The following HNMT variants were observed in gnomAD, a reference collection of about 807,000 sequenced individuals.
The protein encoded by HNMT is histamine N-methyltransferase.
HNMT carries 30 observed loss-of-function variants against 32.1 expected under a neutral mutation model. That is an observed-to-expected ratio of 0.93 (90% CI 0.70 to 1.27). The LOEUF is 1.27. Among genes scored for constraint, HNMT ranks in the 50% most tolerant of loss-of-function variants. The pLI, the probability that HNMT is intolerant of heterozygous loss-of-function variation, is 0.00. For missense variants in HNMT, 327 were observed against 346.0 expected, an observed-to-expected ratio of 0.95 and a Z score of 0.43; for synonymous variants, 125 against 119.0, an observed-to-expected ratio of 1.05 and a Z score of -0.33.
chr2:137,981,496 G>T (rs898963147), intron 2 of HNMT: 33 of 861,156 alleles, frequency 3.8e-5, no homozygotes, highest in Non-Finnish European at 5.9e-5. Context: ...TGTTGCTTTG[G>T]TTTTCTCCGT....
chr2:137,978,530 A>G (rs1490013243), intron 2 of HNMT, among the ~76,000 whole-genome samples: 1 of 140,980 alleles, frequency 7.1e-6, no homozygotes, highest in African/African-American at 2.6e-5. Flanking sequence ...AGTATTATAC[A>G]ATACATATGA....
intron 5 of HNMT, among the ~76,000 whole-genome samples, chr2:138,005,887 T>C (rs1029837980): frequency 6.6e-6 from 1 of 151,658 alleles, no homozygotes; most frequent in African/African-American, 2.4e-5. Context: ...CATTCAGCAA[T>C]CTTTATGGAT....
At chr2:137,996,835 T>C (rs1681012268) in intron 2 of HNMT, among the ~76,000 whole-genome samples, 1 of 151,994 alleles carries the variant, frequency 6.6e-6, no homozygotes, top group Non-Finnish European at 1.5e-5. Context: ...TATAGACCAA[T>C]GGAACAGAAC....
intron 2 of HNMT, among the ~76,000 whole-genome samples, chr2:137,978,359 GTAT>G (rs1429810030): frequency 7.0e-6 from 1 of 143,040 alleles, no homozygotes; most frequent in Non-Finnish European, 1.5e-5. Context: ...ATATAATATA[GTAT>G]TATACAATAC....
chr2:138,008,364 C>T (rs3115762), intron 5 of HNMT, among the ~76,000 whole-genome samples: 150,178 of 152,152 alleles, frequency 0.99, 74,144 homozygotes, highest in Middle Eastern at 1. Flanking sequence ...GTATATGTAT[C>T]ACATTTTCTT....
intron 2 of HNMT, among the ~76,000 whole-genome samples, chr2:137,998,234 A>G (rs150127380): frequency 6.6e-6 from 1 of 152,336 alleles, no homozygotes; most frequent in Admixed American, 6.5e-5. Context: ...TTAGTTGGAA[A>G]GAGTAGGTAA....
intron 1 of HNMT, among the ~76,000 whole-genome samples, chr2:137,965,745 T>C (rs1466053477): frequency 1.3e-5 from 2 of 152,176 alleles, no homozygotes; most frequent in East Asian, 1.9e-4. Flanking sequence ...AAGTTAAAGG[T>C]AATGAGTTAA....
chr2:138,016,299 T>C lies in HNMT; in HGVS notation c.*2169T>C, dbSNP rs993205032. The stretch of plus-strand genomic sequence containing the variant: ...TATCTTATACCTTGTGTGTTCATAT[T>C]ATTATTATAAACAGAGCTCAAGAAA... On this transcript the variant is annotated 3_prime_UTR_variant, in exon 6 of 6. Coordinates refer to ENST00000280097, the MANE Select transcript of HNMT (RefSeq NM_006895.3). 1.1e-4 allele frequency: 16 copies of C among 152,178 alleles called. No homozygotes were observed. The highest frequency in any genetic ancestry group is 3.6e-4 in the African/African-American group (15 of 41,446). The allele number at this position is 152,178 out of a possible 1,614,324, so 9.4% of individuals were successfully genotyped here.
At chr2:138,002,978 G>A (rs1322445431) in intron 4 of HNMT, among the ~76,000 whole-genome samples, 1 of 149,484 alleles carries the variant, frequency 6.7e-6, no homozygotes, top group Non-Finnish European at 1.5e-5. Context: ...AGGGAGTGAC[G>A]CAAGAACAAA....
intron 1 of HNMT, among the ~76,000 whole-genome samples, chr2:137,968,124 A>C (rs1037118329): frequency 4.6e-5 from 7 of 152,102 alleles, no homozygotes; most frequent in Admixed American, 6.6e-5. Context: ...TTCCCTATAG[A>C]GGAATTCTTC....
chr2:137,977,359 A>G (rs1680317594), intron 2 of HNMT, among the ~76,000 whole-genome samples: 1 of 152,146 alleles, frequency 6.6e-6, no homozygotes, highest in Admixed American at 6.5e-5. Flanking sequence ...GTCATGCTGT[A>G]TAAAACTTTG....
rs182003492 is a variant in HNMT, at chr2:138,014,455, A to G, written c.*325A>G. On this transcript the variant is annotated 3_prime_UTR_variant, in exon 6 of 6. Coordinates refer to ENST00000280097, the MANE Select transcript of HNMT (RefSeq NM_006895.3). ...CTGATTGTCTGAAATTTTCTAGAATACTAATAAAATACATACTATAGATTC... is the reference window on the plus strand; with the variant it reads ...CTGATTGTCTGAAATTTTCTAGAATGCTAATAAAATACATACTATAGATTC... The G allele has an allele frequency of 1.5e-3, 330 of 223,320 alleles. 2 individuals carry two copies. Among genetic ancestry groups the G allele is most frequent in the African/African-American group, 6.7e-3 (295 of 44,282 alleles). The allele number at this position is 223,320 out of a possible 1,614,324, so 13.8% of individuals were successfully genotyped here.
At chr2:138,001,116 G>A in intron 3 of HNMT, 91 bp downstream of exon 3, 4 of 602,532 alleles carry the variant, frequency 6.6e-6, no homozygotes, top group Non-Finnish European at 1.1e-5. Context: ...TATAGTTACT[G>A]TGGTATGCTT....
intron 2 of HNMT, chr2:137,981,651 A>G (rs1481213834): frequency 1.3e-5 from 6 of 450,210 alleles, no homozygotes; most frequent in East Asian, 7.0e-5. Context: ...TTGAGTAATT[A>G]CTATATATCA....
intron 2 of HNMT, among the ~76,000 whole-genome samples, chr2:137,994,996 C>T (rs549060941): frequency 6.6e-6 from 1 of 152,268 alleles, no homozygotes; most frequent in African/African-American, 2.4e-5. Context: ...ATACCAGAAT[C>T]TCTGGGACAC....
chr2:138,006,364 G>A (rs3100719), intron 5 of HNMT, among the ~76,000 whole-genome samples: 35,253 of 151,660 alleles, frequency 0.23, 4,314 homozygotes, highest in South Asian at 0.31. Context: ...TATTGTAGAC[G>A]GAAATAACAA....
chr2:137,982,597 T>C (rs916004238), intron 2 of HNMT, among the ~76,000 whole-genome samples: 7 of 152,164 alleles, frequency 4.6e-5, no homozygotes, highest in African/African-American at 1.7e-4. Flanking sequence ...AAAGCCAGCA[T>C]ATTCTGTTTG....
intron 2 of HNMT, among the ~76,000 whole-genome samples, chr2:137,993,818 CCT>C (rs1680900537): frequency 6.6e-6 from 1 of 151,720 alleles, no homozygotes; most frequent in South Asian, 2.1e-4. Context: ...GACTGACAGA[CCT>C]CTCAGCAGAA....
intron 2 of HNMT, among the ~76,000 whole-genome samples, chr2:137,988,182 C>T (rs1461760629): frequency 6.6e-6 from 1 of 152,102 alleles, no homozygotes; most frequent in East Asian, 1.9e-4. Flanking sequence ...TGACCTTCAT[C>T]CATTTTATAG....
Sources: gnomAD v4.1 joint callset for allele counts (sites outside exome capture counted in the v4.1 genomes callset) on GRCh38, gnomAD v4.1.1 for gene constraint, MANE v1.5 for transcripts, NCBI Gene and HGNC (gene_info 2026-07-23, HGNC 2026-07-21) for gene names.